Variants in STOX1 observed in about 807,000 individuals in gnomAD.
STOX1 encodes storkhead box 1.
Under a neutral mutation model 74.8 loss-of-function variants are expected in STOX1, and 57 were observed. That is an observed-to-expected ratio of 0.76 (90% CI 0.62 to 0.95). The LOEUF is 0.95. Among genes scored for constraint, STOX1 ranks in the 40% least tolerant of loss-of-function variants. The pLI is 0.00. For missense variants in STOX1, 1,010 were observed against 1,117.0 expected (o/e 0.90, Z 1.37); for synonymous variants, 375 against 401.3 (o/e 0.93, Z 0.78).
At chr10:68,860,162 G>A (rs1256228404) in intron 1 of STOX1, among the ~76,000 whole-genome samples, 1 of 151,578 alleles carries the variant, frequency 6.6e-6, no homozygotes, top group African/African-American at 2.4e-5. Context: ...CAGCTACTCG[G>A]GAGGCTGAGG....
intron 1 of STOX1, among the ~76,000 whole-genome samples, chr10:68,854,865 A>G (rs1840081671): frequency 6.6e-6 from 1 of 152,066 alleles, no homozygotes; most frequent in Non-Finnish European, 1.5e-5. Context: ...ACAGTAGATA[A>G]GGCTCCTAAT....
intron 1 of STOX1, among the ~76,000 whole-genome samples, chr10:68,879,743 G>A (rs116147962): frequency 0.013 from 2,003 of 152,258 alleles, 36 homozygotes; most frequent in African/African-American, 0.045. Context: ...CTTAGCCATC[G>A]AGAGGACATT....
chr10:68,828,401 G>C, intron 1 of STOX1: 1 of 710,582 alleles, frequency 1.4e-6, no homozygotes, highest in Non-Finnish European at 1.8e-6. Context: ...CGGGGGCTGC[G>C]GTTGGGCGGC....
chr10:68,847,756 T>A (rs1839889340), intron 1 of STOX1, among the ~76,000 whole-genome samples: 1 of 144,148 alleles, frequency 6.9e-6, no homozygotes, highest in Non-Finnish European at 1.5e-5. Flanking sequence ...TGAGACGGAG[T>A]TTCGCTCTTG....
chr10:68,873,795 C>T (rs1244928948), intron 1 of STOX1, among the ~76,000 whole-genome samples: 3 of 150,568 alleles, frequency 2.0e-5, no homozygotes, highest in Non-Finnish European at 3.0e-5. Flanking sequence ...GGATTACAGG[C>T]GCCCGCCACC....
chr10:68,845,341 T>G (rs1399458576), intron 1 of STOX1, among the ~76,000 whole-genome samples: 1 of 150,142 alleles, frequency 6.7e-6, no homozygotes, highest in East Asian at 2.0e-4. Flanking sequence ...TGGCGCCATC[T>G]TGGCTCACTG....
chr10:68,867,674 C>T (rs971101437), intron 1 of STOX1, among the ~76,000 whole-genome samples: 1 of 152,254 alleles, frequency 6.6e-6, no homozygotes, highest in Non-Finnish European at 1.5e-5. Flanking sequence ...TCCTCTCCTT[C>T]ATCTCCTTCC....
chr10:68,869,662 G>A (rs1460869449), intron 1 of STOX1, among the ~76,000 whole-genome samples: 1 of 152,326 alleles, frequency 6.6e-6, no homozygotes, highest in East Asian at 1.9e-4. Flanking sequence ...ACAGTACTTA[G>A]CTGAAGGGTA....
chr10:68,838,340 T>TA (rs750526190), intron 1 of STOX1, among the ~76,000 whole-genome samples: 28 of 152,318 alleles, frequency 1.8e-4, no homozygotes, highest in Non-Finnish European at 3.2e-4. Context: ...GTGATGCGAT[T>TA]ACAGGCGTGA....
chr10:68,893,073 A>T, downstream of STOX1: 1 of 243,924 alleles, frequency 4.1e-6, no homozygotes, highest in South Asian at 5.1e-5. Context: ...TCCTGTAGTG[A>T]ATTTTTTTTT....
chr10:68,860,859 G>A (rs1690078840), intron 1 of STOX1, among the ~76,000 whole-genome samples: 1 of 152,082 alleles, frequency 6.6e-6, no homozygotes, highest in African/African-American at 2.4e-5. Flanking sequence ...CTTAGGTGAG[G>A]AGAAGGTCAT....
intron 1 of STOX1, among the ~76,000 whole-genome samples, chr10:68,845,142 AC>A (rs1413955575): frequency 1.3e-5 from 2 of 151,752 alleles, no homozygotes; most frequent in Non-Finnish European, 2.9e-5. Flanking sequence ...TCGCTCTATC[AC>A]CCGAGCTGAA....
intron 1 of STOX1, among the ~76,000 whole-genome samples, chr10:68,865,794 T>C (rs139162148): frequency 5.9e-5 from 9 of 152,346 alleles, no homozygotes; most frequent in African/African-American, 2.2e-4. Flanking sequence ...TTTTCTTAAT[T>C]ATGAAAACTG....
intron 1 of STOX1, among the ~76,000 whole-genome samples, chr10:68,879,640 C>A (rs1840761536): frequency 6.6e-6 from 1 of 152,156 alleles, no homozygotes; most frequent in Admixed American, 6.5e-5. Flanking sequence ...TTCACTGGAT[C>A]CTACTCCTTT....
chr10:68,829,217 G>A (rs1247497524), intron 1 of STOX1, among the ~76,000 whole-genome samples: 1 of 152,242 alleles, frequency 6.6e-6, no homozygotes, highest in Non-Finnish European at 1.5e-5. Context: ...GCGCTCGCCT[G>A]TAATCCCAGC....
At chr10:68,867,469 G>C (rs2133573278) in intron 1 of STOX1, among the ~76,000 whole-genome samples, 1 of 152,260 alleles carries the variant, frequency 6.6e-6, no homozygotes, top group South Asian at 2.1e-4. Flanking sequence ...TGGTTGCTCA[G>C]GGCGCTGTTC....
Position 68,885,586 on chromosome 10 carries a change from G to A in STOX1, c.1790G>A (p.Cys597Tyr). The A allele has an allele frequency of 1.9e-6, 3 of 1,614,210 alleles. No homozygotes were observed. Among genetic ancestry groups the A allele is most frequent in the Non-Finnish European group, 2.5e-6 (3 of 1,180,052 alleles). ...AGCATGTTGCAAAATGATGGTAAAT[G>A]CTGTCCCTTTATGGAAAGCATGTTG... ...QQSMLQNDGK[C>Y]CPFMESMLRY... Residue 597 changes from cysteine to tyrosine, a missense_variant, in exon 3 of 4, where the codon TGC becomes TAC. Physicochemically the swap from Cys to Tyr is radical, Grantham distance 194. Transcript: ENST00000298596.
intron 1 of STOX1, among the ~76,000 whole-genome samples, chr10:68,853,813 G>GT (rs1159934435): frequency 6.6e-6 from 1 of 151,554 alleles, no homozygotes; most frequent in Non-Finnish European, 1.5e-5. Context: ...AGCCTCCCAA[G>GT]TATCTCGGAT....
intron 1 of STOX1, among the ~76,000 whole-genome samples, chr10:68,845,890 C>T (rs1839832148): frequency 6.6e-6 from 1 of 151,882 alleles, no homozygotes; most frequent in African/African-American, 2.4e-5. Flanking sequence ...GTGTGACCCA[C>T]CGCACCCAGC....
Sources: allele counts gnomAD v4.1 joint callset (sites outside exome capture counted in the v4.1 genomes callset), GRCh38; gene constraint gnomAD v4.1.1; transcripts MANE v1.5; gene names NCBI Gene and HGNC (gene_info 2026-07-23, HGNC 2026-07-21).